The following RASAL2 variants were observed in gnomAD, a reference collection of about 807,000 sequenced individuals.
The protein encoded by RASAL2 is ras GTPase-activating protein nGAP.
A neutral mutation model predicts 128.9 loss-of-function variants in RASAL2; 58 were observed. The ratio of observed to expected loss-of-function variants is 0.45; its 90% CI spans 0.36 to 0.56. The LOEUF (loss-of-function observed/expected upper bound fraction) is 0.56. Among genes scored for constraint, RASAL2 ranks in the 20% least tolerant of loss-of-function variants. The pLI is 0.00. For missense variants in RASAL2, 1,360 were observed against 1,601.6 expected (o/e 0.85, Z 2.57); for synonymous variants, 561 against 580.8 (o/e 0.97, Z 0.49).
intron 1 of RASAL2, chr1:178,194,583 TTTTTG>T: frequency 6.5e-6 from 1 of 154,362 alleles, no homozygotes; most frequent in Non-Finnish European, 1.5e-5. Context: ...TCTTTTTGTT[TTTTTG>T]TTTTGTTTTG....
chr1:178,244,578 C>G (rs1014656662), intron 1 of RASAL2, among the ~76,000 whole-genome samples: 1 of 152,094 alleles, frequency 6.6e-6, no homozygotes, highest in Non-Finnish European at 1.5e-5. Context: ...TTTTATTGTA[C>G]TTTAAGTTCT....
intron 1 of RASAL2, among the ~76,000 whole-genome samples, chr1:178,102,795 T>A (rs1190006645): frequency 1.3e-5 from 2 of 152,214 alleles, no homozygotes; most frequent in South Asian, 4.1e-4. Context: ...CCTCCCTGCC[T>A]CTACAACTTG....
chr1:178,460,207 T>C (rs1439584078), intron 14 of RASAL2, among the ~76,000 whole-genome samples: 2 of 152,180 alleles, frequency 1.3e-5, no homozygotes, highest in Non-Finnish European at 2.9e-5. Flanking sequence ...GAGCATGAGA[T>C]CTGGCAGAGA....
chr1:178,098,559 T>C (rs1658778115), intron 1 of RASAL2, among the ~76,000 whole-genome samples: 1 of 152,140 alleles, frequency 6.6e-6, no homozygotes, highest in African/African-American at 2.4e-5. Flanking sequence ...GGGAGAAATT[T>C]AAGATCCCAA....
Position 178,094,660 on chromosome 1 carries a change from C to T in RASAL2, c.168C>T (p.Ser56=), listed in dbSNP as rs1485637553. The T allele has an allele frequency of 1.9e-6, 3 of 1,614,068 alleles. No individual in the cohort carries two copies. Among genetic ancestry groups the T allele is most frequent in the Non-Finnish European group, 1.7e-6 (2 of 1,180,036 alleles). The stretch of plus-strand genomic sequence containing the variant: ...TGTTGGATCGGATCCTTCTGGAGTC[C>T]GTGTGCCAGCAACAGAGCTGGGTCC... ...GGMLDRILLE[S]VCQQQSWVRV... Residue 56 remains serine (S), a synonymous_variant, in exon 1 of 18, where the codon TCC becomes TCT. Coordinates refer to ENST00000367649, the MANE Select transcript of RASAL2 (RefSeq NM_170692.4).
chr1:178,103,038 T>TG (rs1404329955), intron 1 of RASAL2, among the ~76,000 whole-genome samples: 1 of 152,194 alleles, frequency 6.6e-6, no homozygotes, highest in Non-Finnish European at 1.5e-5. Context: ...CCATGAGTTC[T>TG]GGGGGTCTGG....
rs750003868 is a variant in RASAL2 at position 178,452,657 on chromosome 1, G to T, written c.2009+5G>T. The T allele has an allele frequency of 6.3e-7, 1 of 1,599,894 alleles. No homozygotes were observed. ...GAACCTGGCCAACTTTGCCAAGTAG[G>T]TGATACTGTTGTAACCACTTTAAAA... On this transcript the variant is annotated splice_donor_5th_base_variant and intron_variant, in intron 11 of 17. Coordinates refer to ENST00000367649, the MANE Select transcript of RASAL2 (RefSeq NM_170692.4).
intron 3 of RASAL2, among the ~76,000 whole-genome samples, chr1:178,347,398 T>C (rs935534264): frequency 6.6e-6 from 1 of 152,236 alleles, no homozygotes; most frequent in Non-Finnish European, 1.5e-5. Flanking sequence ...CAGATGTTGC[T>C]TATGTTACAT....
intron 1 of RASAL2, among the ~76,000 whole-genome samples, chr1:178,107,148 T>C (rs910487232): frequency 6.6e-6 from 1 of 152,216 alleles, no homozygotes; most frequent in African/African-American, 2.4e-5. Context: ...GTGAAAAAGT[T>C]AGTGACTCCT....
At chr1:178,167,475 G>A (rs2101904953) in intron 1 of RASAL2, among the ~76,000 whole-genome samples, 1 of 152,102 alleles carries the variant, frequency 6.6e-6, no homozygotes, top group South Asian at 2.1e-4. Flanking sequence ...ATAAGAGATT[G>A]GCATTAATTT....
intron 3 of RASAL2, among the ~76,000 whole-genome samples, chr1:178,349,705 T>C (rs1300146073): frequency 3.3e-5 from 5 of 152,210 alleles, no homozygotes; most frequent in Non-Finnish European, 5.9e-5. Context: ...CATTAACTTT[T>C]ACATATAGTT....
At chr1:178,250,541 A>T (rs1195468641) in intron 1 of RASAL2, among the ~76,000 whole-genome samples, 1 of 152,162 alleles carries the variant, frequency 6.6e-6, no homozygotes, top group Non-Finnish European at 1.5e-5. Context: ...GATCGAGACC[A>T]CTTGGCTCCC....
intron 5 of RASAL2, among the ~76,000 whole-genome samples, chr1:178,423,873 A>G (rs1675324130): frequency 6.6e-6 from 1 of 152,060 alleles, no homozygotes; most frequent in Admixed American, 6.6e-5. Context: ...AGCACTTTTT[A>G]TTACTACGGA....
chr1:178,098,173 AC>A (rs1223786090), intron 1 of RASAL2, among the ~76,000 whole-genome samples: 1 of 151,992 alleles, frequency 6.6e-6, no homozygotes, highest in East Asian at 1.9e-4. Flanking sequence ...TTATCTTGCC[AC>A]CCCCTTCATT....
chr1:178,128,030 A>G (rs1301378671), intron 1 of RASAL2, among the ~76,000 whole-genome samples: 1 of 152,100 alleles, frequency 6.6e-6, no homozygotes, highest in Non-Finnish European at 1.5e-5. Flanking sequence ...ATTTTGTGGA[A>G]CAAAATTTGA....
At chr1:178,257,968 A>G (rs1183155993) in intron 1 of RASAL2, among the ~76,000 whole-genome samples, 1 of 152,128 alleles carries the variant, frequency 6.6e-6, no homozygotes, top group Non-Finnish European at 1.5e-5. Context: ...ATTGGACTTC[A>G]TCAATATTTA....
Position 178,344,230 on chromosome 1 carries a change from A to G in RASAL2, c.457+44112A>G, listed in dbSNP as rs562226994. Among the ~76,000 whole-genome samples, 64 of 152,298 alleles carry G rather than the reference A, an allele frequency of 4.2e-4. 1 individual carries two copies. The South Asian group carries it at 0.013, about 31-fold the overall frequency. ...TGCTATGTAATGACAACATTTTCTG[A>G]AAAAGATTTGGCTATAGTTGATCAA... On this transcript the variant is annotated intron_variant, in intron 3 of 17. Transcript: ENST00000367649.
intron 14 of RASAL2, among the ~76,000 whole-genome samples, chr1:178,461,564 C>G (rs1175220970): frequency 6.6e-6 from 1 of 152,130 alleles, no homozygotes; most frequent in Non-Finnish European, 1.5e-5. Context: ...TTCGTACAAA[C>G]AGTAGACTTT....
chr1:178,442,891 G>T lies in RASAL2; in HGVS notation c.1144G>T (p.Asp382Tyr), dbSNP rs1244995177. ...TAGTATCACAGTTCACATTTACAAG[G>T]ATGTGGAAAAAAAGAAAAAAAAGGA... Reference protein sequence around the residue: ...LHSITVHIYKDVEKKKKKDKN... With the variant: ...LHSITVHIYKYVEKKKKKDKN... The change falls in exon 8 of 18, where the codon GAT (aspartate) becomes TAT (tyrosine). Residue 382 changes from aspartate (D) to tyrosine (Y), a missense_variant. Physicochemically the swap from Asp to Tyr is radical, Grantham distance 160. Coordinates refer to ENST00000367649, the MANE Select transcript of RASAL2 (RefSeq NM_170692.4). 1 of 1,613,510 alleles carries T rather than the reference G, an allele frequency of 6.2e-7. No individual in the cohort carries two copies. Among genetic ancestry groups the T allele is most frequent in the Admixed American group, 1.7e-5 (1 of 59,882 alleles).
Sources: allele counts gnomAD v4.1 joint callset (sites outside exome capture counted in the v4.1 genomes callset), GRCh38; gene constraint gnomAD v4.1.1; transcripts MANE v1.5; gene names NCBI Gene and HGNC (gene_info 2026-07-23, HGNC 2026-07-21).